Variants in THSD7A observed in about 807,000 individuals in gnomAD.
THSD7A encodes the protein thrombospondin type 1 domain containing 7A.
Under a neutral mutation model 231.3 loss-of-function variants are expected in THSD7A, and 96 were observed. The observed-to-expected ratio is 0.41, with a 90% CI of 0.35 to 0.49. The LOEUF is 0.49. Among genes scored for constraint, THSD7A ranks in the 20% least tolerant of loss-of-function variants. The pLI is 0.05. For missense variants in THSD7A, 2,290 were observed against 2,070.2 expected (o/e 1.11, Z -2.06); for synonymous variants, 940 against 743.3 (o/e 1.26, Z -4.30).
rs116668274 is a variant in THSD7A at position 11,393,193 on chromosome 7, C to T, written c.4411+8602G>A. On this transcript the variant is annotated intron_variant, in intron 23 of 27. Transcript: ENST00000423059. ...GGGATGAAGTTTTCAGAGGAAGTAA[C>T]TGGCAGCAATCTTCGCTGTTCTGCA... Among the ~76,000 whole-genome samples, 815 of 152,348 alleles carry T rather than the reference C, an allele frequency of 5.3e-3. 10 individuals are homozygous for T. The highest frequency in any genetic ancestry group is 0.019 in the African/African-American group (775 of 41,574).
At chr7:11,808,032 G>C (rs903572435) in intron 1 of THSD7A, among the ~76,000 whole-genome samples, 5 of 151,930 alleles carry the variant, frequency 3.3e-5, no homozygotes, top group African/African-American at 9.7e-5. Flanking sequence ...ACCCCAGAGG[G>C]CCTCTCACTG....
At chr7:11,458,641 G>A (rs1785392252) in intron 11 of THSD7A, among the ~76,000 whole-genome samples, 1 of 152,030 alleles carries the variant, frequency 6.6e-6, no homozygotes, top group African/African-American at 2.4e-5. Context: ...AATCAAAAAT[G>A]GAACAATCAG....
At chr7:11,475,555 A>ATATATATAACATATATG (rs1018369372) in intron 7 of THSD7A, among the ~76,000 whole-genome samples, 10 of 149,034 alleles carry the variant, frequency 6.7e-5, no homozygotes, top group African/African-American at 2.2e-4. Flanking sequence ...GGTTATAAGT[A>ATATATATAACATATATG]TATATATAAC....
chr7:11,828,871 T>A (rs116725246), intron 1 of THSD7A, among the ~76,000 whole-genome samples: 4,037 of 152,222 alleles, frequency 0.027, 193 homozygotes, highest in African/African-American at 0.09. Flanking sequence ...ACATGCATTT[T>A]CTTCCACCTC....
At chr7:11,536,888 G>GT (rs1344883006) in intron 6 of THSD7A, among the ~76,000 whole-genome samples, 2 of 151,744 alleles carry the variant, frequency 1.3e-5, no homozygotes, top group Non-Finnish European at 2.9e-5. Context: ...ACTTACCTCT[G>GT]TCCCCCTTCA....
intron 9 of THSD7A, among the ~76,000 whole-genome samples, chr7:11,463,431 A>C (rs1383667992): frequency 1.3e-5 from 2 of 152,084 alleles, no homozygotes; most frequent in African/African-American, 4.8e-5. Context: ...CAGAATCTGG[A>C]AGCTGGGTTT....
chr7:11,827,441 C>A (rs1275384033), intron 1 of THSD7A, among the ~76,000 whole-genome samples: 1 of 152,060 alleles, frequency 6.6e-6, no homozygotes, highest in Non-Finnish European at 1.5e-5. Context: ...CCTTTCCTAG[C>A]CTTTCTAAAC....
At chr7:11,688,834 T>C (rs2128141323) in intron 1 of THSD7A, among the ~76,000 whole-genome samples, 1 of 151,956 alleles carries the variant, frequency 6.6e-6, no homozygotes, top group East Asian at 2.0e-4. Context: ...TCTTGCATTA[T>C]CTCAGTTAAT....
intron 1 of THSD7A, among the ~76,000 whole-genome samples, chr7:11,671,562 T>A (rs1341051717): frequency 6.6e-6 from 1 of 152,210 alleles, no homozygotes; most frequent in African/African-American, 2.4e-5. Context: ...TAGAGTTTTA[T>A]ACCCCTTTAA....
At chr7:11,587,869 C>T (rs1203029645) in intron 4 of THSD7A, among the ~76,000 whole-genome samples, 2 of 152,052 alleles carry the variant, frequency 1.3e-5, no homozygotes, top group Non-Finnish European at 2.9e-5. Flanking sequence ...TTTTTTTGTA[C>T]TAATACACTT....
chr7:11,627,340 C>A (rs974138425), intron 2 of THSD7A, among the ~76,000 whole-genome samples: 38 of 151,998 alleles, frequency 2.5e-4, no homozygotes, highest in African/African-American at 9.2e-4. Context: ...TAAATTCATA[C>A]ATATAAATAT....
chr7:11,522,516 T>A (rs536829883), intron 6 of THSD7A, among the ~76,000 whole-genome samples: 1 of 151,790 alleles, frequency 6.6e-6, no homozygotes, highest in Non-Finnish European at 1.5e-5. Context: ...TTCATTTGAC[T>A]GCTTTTTATT....
intron 1 of THSD7A, among the ~76,000 whole-genome samples, chr7:11,794,686 G>T (rs1323339613): frequency 6.6e-6 from 1 of 151,878 alleles, no homozygotes; most frequent in African/African-American, 2.4e-5. Context: ...ATAATGAGGG[G>T]CTCATCTTCA....
intron 16 of THSD7A, among the ~76,000 whole-genome samples, chr7:11,423,371 T>A (rs913396121): frequency 1.4e-4 from 6 of 44,404 alleles, no homozygotes; most frequent in Admixed American, 5.6e-4. Flanking sequence ...GAGTGCTGGA[T>A]TTTTTTTTTT....
chr7:11,452,129 G>C (rs1647455771), intron 11 of THSD7A, among the ~76,000 whole-genome samples: 1 of 151,930 alleles, frequency 6.6e-6, no homozygotes, highest in South Asian at 2.1e-4. Context: ...ACTAGTGTCT[G>C]GGTAGCATTA....
intron 1 of THSD7A, among the ~76,000 whole-genome samples, chr7:11,718,328 A>G (rs1781215590): frequency 6.6e-6 from 1 of 151,662 alleles, no homozygotes; most frequent in Admixed American, 6.6e-5. Context: ...TAACCTGTCT[A>G]CATAGATACA....
At chr7:11,393,191 A>C (rs188645832) in intron 23 of THSD7A, among the ~76,000 whole-genome samples, 1 of 152,224 alleles carries the variant, frequency 6.6e-6, no homozygotes, top group African/African-American at 2.4e-5. Context: ...CAGAGGAAGT[A>C]ACTGGCAGCA....
intron 4 of THSD7A, among the ~76,000 whole-genome samples, chr7:11,574,290 G>A (rs1414526590): frequency 1.3e-5 from 2 of 151,950 alleles, no homozygotes; most frequent in African/African-American, 4.8e-5. Context: ...TGTAAACTTT[G>A]TGACAGCAGG....
chr7:11,504,783 C>T (rs185815725), intron 6 of THSD7A, among the ~76,000 whole-genome samples: 17 of 152,046 alleles, frequency 1.1e-4, no homozygotes, highest in African/African-American at 1.7e-4. Context: ...GATACATTTG[C>T]ATGAACCATT....
Sources: allele counts gnomAD v4.1 joint callset (sites outside exome capture counted in the v4.1 genomes callset), GRCh38; gene constraint gnomAD v4.1.1; transcripts MANE v1.5; gene names NCBI Gene and HGNC (gene_info 2026-07-23, HGNC 2026-07-21).